The following ENO1 variants were observed in gnomAD, a reference collection of about 807,000 sequenced individuals.
ENO1 encodes enolase 1.
Under a neutral mutation model 46.3 loss-of-function variants are expected in ENO1, and 33 were observed. That is an observed-to-expected ratio of 0.71 (90% CI 0.54 to 0.95). The LOEUF (loss-of-function observed/expected upper bound fraction) is 0.95. Ranked by LOEUF, ENO1 falls within the 40% of genes least tolerant of loss-of-function variation. ENO1 has a pLI of 0.00. For missense variants in ENO1, 488 were observed against 553.3 expected, an observed-to-expected ratio of 0.88 and a Z score of 1.18; for synonymous variants, 220 against 216.0, an observed-to-expected ratio of 1.02 and a Z score of -0.16.
chr1:8,864,709 G>C (rs1437135250), intron 8 of ENO1, among the ~76,000 whole-genome samples: 1 of 152,170 alleles, frequency 6.6e-6, no homozygotes, highest in Non-Finnish European at 1.5e-5. Context: ...ACTCAGAAGT[G>C]AGAAGACCTG....
chr1:8,870,854 C>CATTA, intron 3 of ENO1: 1 of 1,318,332 alleles, frequency 7.6e-7, no homozygotes, highest in Non-Finnish European at 9.7e-7. Flanking sequence ...GCCAGGAACT[C>CATTA]ATTAATATAC....
chr1:8,876,687 G>A (rs1642739151), intron 1 of ENO1, among the ~76,000 whole-genome samples: 1 of 152,026 alleles, frequency 6.6e-6, no homozygotes, highest in Admixed American at 6.6e-5. Flanking sequence ...CACGAGGTCA[G>A]GAGAGGAGGC....
intron 3 of ENO1, chr1:8,871,383 A>G (rs1642629989): frequency 1.0e-6 from 1 of 992,922 alleles, no homozygotes; most frequent in African/African-American, 1.7e-5. Flanking sequence ...GCCAGAGGCT[A>G]GCTCTGCCAC....
chr1:8,866,539 CAG>C, intron 6 of ENO1, 38 bp from the exon 7 acceptor site: 1 of 1,608,564 alleles, frequency 6.2e-7, no homozygotes. Context: ...GCACTGGGTC[CAG>C]AGAGCCCCAC....
At chr1:8,873,872 C>T (rs779711193) in intron 2 of ENO1, 9 of 152,220 alleles carry the variant, frequency 5.9e-5, no homozygotes, top group Non-Finnish European at 1.2e-4. Context: ...CTCTGTCCAT[C>T]GCGCCATGTG....
rs894492098 is a variant in ENO1, at chr1:8,873,413, A to G, written c.85+1411T>C. Among the ~76,000 whole-genome samples, 2 of 152,242 alleles carry G rather than the reference A, an allele frequency of 1.3e-5. 1 individual carries two copies. The highest frequency in any genetic ancestry group is 4.1e-4 in the South Asian group (2 of 4,834). ...TGTTTTTTGAAAAGGATTAAGACACACAAGAGAAAGTTCCATTCATTTCAA... is the reference window on the plus strand; with the variant it reads ...TGTTTTTTGAAAAGGATTAAGACACGCAAGAGAAAGTTCCATTCATTTCAA... On this transcript the variant is annotated intron_variant, in intron 2 of 11. Coordinates refer to ENST00000234590, the MANE Select transcript of ENO1 (RefSeq NM_001428.5).
intron 4 of ENO1, among the ~76,000 whole-genome samples, 176 bp from the exon 5 acceptor site, chr1:8,868,233 T>A (rs1238048236): frequency 6.6e-6 from 1 of 152,062 alleles, no homozygotes; most frequent in Non-Finnish European, 1.5e-5. Flanking sequence ...AAAAACTGCC[T>A]TCTGCTTGCT....
chr1:8,877,947 A>G (rs966903157), intron 1 of ENO1: 1 of 152,122 alleles, frequency 6.6e-6, no homozygotes, highest in Non-Finnish European at 1.5e-5. Context: ...CTCTTGCCCA[A>G]CTTGGGCGAG....
chr1:8,869,030 G>A (rs923125311), intron 4 of ENO1, among the ~76,000 whole-genome samples: 16 of 151,952 alleles, frequency 1.1e-4, no homozygotes, highest in African/African-American at 1.5e-4. Flanking sequence ...TAATAACAAG[G>A]CATTATTTTT....
chr1:8,877,502 C>T (rs1181474374), intron 1 of ENO1: 2 of 152,362 alleles, frequency 1.3e-5, no homozygotes, highest in Non-Finnish European at 2.9e-5. Context: ...AAGCAATGGA[C>T]CCTACCGCCC....
chr1:8,876,938 G>A (rs1380195879), intron 1 of ENO1, among the ~76,000 whole-genome samples: 1 of 151,520 alleles, frequency 6.6e-6, no homozygotes, highest in African/African-American at 2.4e-5. Flanking sequence ...TCAGCCTCCT[G>A]TCTCAGCCTC....
At chr1:8,864,242 G>C in intron 8 of ENO1, 150 bp from the exon 9 acceptor site, 2 of 815,892 alleles carry the variant, frequency 2.5e-6, no homozygotes, top group South Asian at 3.0e-5. Context: ...ACTGATCCTT[G>C]AAACAATGTG....
At chr1:8,877,306 C>T (rs1024151725) in intron 1 of ENO1, among the ~76,000 whole-genome samples, 4 of 150,830 alleles carry the variant, frequency 2.7e-5, no homozygotes, top group African/African-American at 4.9e-5. Context: ...AGGCTGGTCT[C>T]TAACTCCCGA....
At chr1:8,867,021 A>C in intron 6 of ENO1, 96 bp downstream of exon 6, 2 of 1,523,874 alleles carry the variant, frequency 1.3e-6, no homozygotes, top group Non-Finnish European at 1.8e-6. Flanking sequence ...GGAGAGTCAC[A>C]TGTGTTAGGA....
At chr1:8,864,336 T>C (rs1471419882) in intron 8 of ENO1, among the ~76,000 whole-genome samples, 1 of 152,184 alleles carries the variant, frequency 6.6e-6, no homozygotes, top group African/African-American at 2.4e-5. Context: ...AATCTCACTC[T>C]GTCACCCAGG....
At position 8,861,271 on chromosome 1, in the gene ENO1, T is replaced by G. The variant is rs1158621300; in HGVS notation, c.*89A>C. On this transcript the variant is annotated 3_prime_UTR_variant, in exon 12 of 12. Coordinates refer to ENST00000234590, the MANE Select transcript of ENO1 (RefSeq NM_001428.5). ...TAACTAGCAGGGACCCCTGCAAGTG[T>G]TGGTCGGGGGCCTCGAGCTGCCTGA... 33 of 1,382,390 alleles carry G rather than the reference T, an allele frequency of 2.4e-5. No individual in the cohort carries two copies. The South Asian group carries it at 3.8e-4, about 16-fold the overall frequency. The allele number at this position is 1,382,390 out of a possible 1,614,324, so 85.6% of individuals were successfully genotyped here. A position where few individuals can be genotyped will look rare whatever the true frequency, so the allele number is the denominator to read the frequency against.
chr1:8,872,396 T>TTC lies in ENO1; in HGVS notation c.86-411_86-410insGA, dbSNP rs368036846. Among the ~76,000 whole-genome samples, 19 of 151,622 alleles carry TTC rather than the reference T, an allele frequency of 1.3e-4. No homozygotes were observed. The South Asian group carries it at 3.5e-3, about 28-fold the overall frequency. ...TGAAGACGTTCTGGTACTTTTTTTT[T>TTC]CTTTTGAGACAGAATCTCGCTCTAT... On this transcript the variant is annotated intron_variant, in intron 2 of 11. Transcript: ENST00000234590.
chr1:8,878,585 C>T lies in ENO1; in HGVS notation c.-15G>A, dbSNP rs1282262863. On this transcript the variant is annotated 5_prime_UTR_variant, in exon 1 of 12. Transcript: ENST00000234590. Reference sequence around the variant, plus strand: ...AGCCCTTCCCCAATCATTACCTAGCCACTGGGTCTCGTCGCCTAGGAGAGG... The same window carrying T: ...AGCCCTTCCCCAATCATTACCTAGCTACTGGGTCTCGTCGCCTAGGAGAGG... 2 of 456,076 alleles carry T rather than the reference C, an allele frequency of 4.4e-6. No homozygotes were observed. Among genetic ancestry groups the T allele is most frequent in the South Asian group, 3.1e-5 (2 of 64,562 alleles). 28.3% of individuals were successfully genotyped at this position (456,076 alleles called of 1,614,324 possible).
chr1:8,863,080 C>T lies in ENO1; in HGVS notation c.1177-135G>A, dbSNP rs374671364. 5.6e-5 allele frequency: 76 copies of T among 1,347,376 alleles called. 1 individual carries two copies. The East Asian group carries it at 1.3e-3, about 23-fold the overall frequency. 83.5% of individuals were successfully genotyped at this position (1,347,376 alleles called of 1,614,324 possible). On this transcript the variant is annotated intron_variant, in intron 10 of 11. Transcript: ENST00000234590. Reference sequence around the variant, plus strand: ...GAAAGTGGGGGCCACAACATACAGGCAGGGCGCTCATGCCCCCATTCTGTT... The same window carrying T: ...GAAAGTGGGGGCCACAACATACAGGTAGGGCGCTCATGCCCCCATTCTGTT...
Sources: allele counts gnomAD v4.1 joint callset (sites outside exome capture counted in the v4.1 genomes callset), GRCh38; gene constraint gnomAD v4.1.1; transcripts MANE v1.5; gene names NCBI Gene and HGNC (gene_info 2026-07-23, HGNC 2026-07-21).